SH3TC2: variants seen among roughly 807,000 people sequenced by gnomAD.
The protein encoded by SH3TC2 is SH3 domain and tetratricopeptide repeat-containing protein 2.
SH3TC2 carries 87 observed loss-of-function variants against 124.5 expected under a neutral mutation model. The ratio of observed to expected loss-of-function variants is 0.70; its 90% CI spans 0.59 to 0.84. SH3TC2 has a LOEUF of 0.84. SH3TC2 is among the 40% of genes least tolerant of loss of function. The pLI is 0.00. For missense variants in SH3TC2, 1,536 were observed against 1,566.4 expected, an observed-to-expected ratio of 0.98 and a Z score of 0.33; for synonymous variants, 634 against 628.5, an observed-to-expected ratio of 1.01 and a Z score of -0.13.
chr5:149,004,000 T>G lies in SH3TC2; in HGVS notation c.*711A>C, dbSNP rs567593663. 1.0e-3 allele frequency: 193 copies of G among 187,192 alleles called. 2 individuals are homozygous for G. The highest frequency in any genetic ancestry group is 7.5e-3 in the Middle Eastern group (3 of 398). 11.6% of individuals were successfully genotyped at this position (187,192 alleles called of 1,614,324 possible). On this transcript the variant is annotated 3_prime_UTR_variant, in exon 17 of 17. Transcript: ENST00000515425. ...ATCATATACACTATTTACATGTAAT[T>G]TATGTCATAATTTTCTTAACATTCA...
intron 12 of SH3TC2, 122 bp downstream of exon 12, chr5:149,026,450 G>A (rs1373674939): frequency 1.5e-5 from 18 of 1,193,308 alleles, no homozygotes; most frequent in Middle Eastern, 2.8e-4. Flanking sequence ...CAGAGCCCTT[G>A]CTCTTTTGCA....
chr5:149,003,162 A>G lies in SH3TC2; in HGVS notation c.*1549T>C, dbSNP rs1037061526. 3 of 152,254 alleles carry G rather than the reference A, an allele frequency of 2.0e-5. No homozygotes were observed. The highest frequency in any genetic ancestry group is 1.9e-4 in the East Asian group (1 of 5,198). 9.4% of individuals were successfully genotyped at this position (152,254 alleles called of 1,614,324 possible). On this transcript the variant is annotated 3_prime_UTR_variant, in exon 17 of 17. Coordinates refer to ENST00000515425, the MANE Select transcript of SH3TC2 (RefSeq NM_024577.4). ...TAGGTCACTTCTGAAATGATCCCCAATGATTCCTCACCATCTGGTATTCAA... is the reference window on the plus strand; with the variant it reads ...TAGGTCACTTCTGAAATGATCCCCAGTGATTCCTCACCATCTGGTATTCAA...
chr5:149,000,673 C>T lies in SH3TC2; in HGVS notation c.*4038G>A, dbSNP rs899473191. Among the ~76,000 whole-genome samples the T allele has an allele frequency of 4.6e-5, 7 of 152,058 alleles. No homozygotes were observed. Among genetic ancestry groups the T allele is most frequent in the Non-Finnish European group, 1.5e-5 (1 of 68,004 alleles). ...CACACGTGTACATATACACACACAA[C>T]TGTGAAGGAAGCCCTGAACAGCAGA... On this transcript the variant is annotated 3_prime_UTR_variant, in exon 17 of 17. Transcript: ENST00000515425.
chr5:149,014,035 C>T (rs1285695852), intron 12 of SH3TC2, among the ~76,000 whole-genome samples: 1 of 152,070 alleles, frequency 6.6e-6, no homozygotes, highest in East Asian at 1.9e-4. Context: ...GGAAACAAGC[C>T]CAGAAACTGG....
chr5:149,034,672 T>G (rs1484159532), intron 8 of SH3TC2, among the ~76,000 whole-genome samples: 1 of 152,060 alleles, frequency 6.6e-6, no homozygotes, highest in African/African-American at 2.4e-5. Flanking sequence ...ATGAATTGAA[T>G]ATGAAAGATA....
rs1256976210 is a variant in SH3TC2, at chr5:149,001,988, G to A, written c.*2723C>T. 6.6e-6 allele frequency: 1 copy of A among 152,340 alleles called. No homozygotes were observed. Among genetic ancestry groups the A allele is most frequent in the African/African-American group, 2.4e-5 (1 of 41,472 alleles). 9.4% of individuals were successfully genotyped at this position (152,340 alleles called of 1,614,324 possible). A position where few individuals can be genotyped will look rare whatever the true frequency, so the allele number is the denominator to read the frequency against. The stretch of plus-strand genomic sequence containing the variant: ...CAACTGATTATAAAGCTCAATGGAA[G>A]CCAAGGACAGATGTGGCTGCTGGGG... On this transcript the variant is annotated 3_prime_UTR_variant, in exon 17 of 17. Transcript: ENST00000515425.
rs866892409 is a variant in SH3TC2, at chr5:149,002,736, G to A, written c.*1975C>T. 2 of 152,178 alleles carry A rather than the reference G, an allele frequency of 1.3e-5. No individual in the cohort carries two copies. The highest frequency in any genetic ancestry group is 4.1e-4 in the South Asian group (2 of 4,834). The allele number at this position is 152,178 out of a possible 1,614,324, so 9.4% of individuals were successfully genotyped here. A position where few individuals can be genotyped will look rare whatever the true frequency, so the allele number is the denominator to read the frequency against. The stretch of plus-strand genomic sequence containing the variant: ...CTTGTGGTTCACAGAAAAGGAGCAA[G>A]GGTGAACCACCTGCATCAGGCTTGC... On this transcript the variant is annotated 3_prime_UTR_variant, in exon 17 of 17. Transcript: ENST00000515425.
At chr5:149,030,807 CA>C (rs1303050319) in intron 9 of SH3TC2, among the ~76,000 whole-genome samples, 1 of 152,238 alleles carries the variant, frequency 6.6e-6, no homozygotes, top group Non-Finnish European at 1.5e-5. Context: ...ATGTCACCAT[CA>C]ATGAAGAGAT....
intron 6 of SH3TC2, 98 bp downstream of exon 6, chr5:149,041,318 A>G (rs935205255): frequency 3.1e-6 from 4 of 1,293,606 alleles, no homozygotes; most frequent in Non-Finnish European, 4.4e-6. Flanking sequence ...TCTCTCCTCC[A>G]CACTATGGAT....
At chr5:149,020,780 CTAA>C (rs1753955443) in intron 12 of SH3TC2, among the ~76,000 whole-genome samples, 1 of 152,058 alleles carries the variant, frequency 6.6e-6, no homozygotes, top group South Asian at 2.1e-4. Flanking sequence ...TATGCAGCAC[CTAA>C]TAACAATGCC....
rs1753430576 is a variant in SH3TC2 at position 148,992,259 on chromosome 5, C to A, written c.*12452G>T. ...TCATGCACACAGTGGGGATTTTTAC[C>A]CAGGTAGCATAATCCCAAGGTTTAT... On this transcript the variant is annotated 3_prime_UTR_variant, in exon 17 of 17. Coordinates refer to ENST00000515425, the MANE Select transcript of SH3TC2 (RefSeq NM_024577.4). 1.3e-5 allele frequency among the ~76,000 whole-genome samples: 2 copies of A among 152,158 alleles called. No homozygotes were observed. Among genetic ancestry groups the A allele is most frequent in the African/African-American group, 4.8e-5 (2 of 41,434 alleles).
In SH3TC2 at chr5:149,052,214, T is replaced by G. The variant is rs141649676; in HGVS notation, c.79A>C (p.Thr27Pro). The change falls in exon 2 of 17, where the codon ACT (threonine) becomes CCT (proline). Residue 27 changes from threonine to proline, a missense_variant. Coordinates refer to ENST00000515425, the MANE Select transcript of SH3TC2 (RefSeq NM_024577.4). Reference sequence around the variant, plus strand: ...GAGGCTATACACTCACTCGATACAGTTGGATCCTTGGAAGGAGTTTCTTTA... The same window carrying G: ...GAGGCTATACACTCACTCGATACAGGTGGATCCTTGGAAGGAGTTTCTTTA... ...PGKETPSKDP[T>P]VSSECIASSE... The G allele has an allele frequency of 6.2e-7, 1 of 1,613,110 alleles. No homozygotes were observed. Among genetic ancestry groups the G allele is most frequent in the East Asian group, 2.2e-5 (1 of 44,854 alleles).
intron 15 of SH3TC2, 101 bp from the exon 16 acceptor site, chr5:149,007,178 C>T: frequency 9.2e-7 from 1 of 1,089,478 alleles, no homozygotes; most frequent in Non-Finnish European, 1.4e-6. Context: ...TACTAGATGT[C>T]AGGGACTGTG....
rs539126111 is a variant in SH3TC2 at position 148,988,476 on chromosome 5, G to A, written c.*16235C>T. On this transcript the variant is annotated 3_prime_UTR_variant, in exon 17 of 17. Transcript: ENST00000515425. ...GTCATAGGAAGCTTTGCAGCTCCCCGTTTAATCTCCTGGAATGCTAGCTCT... is the reference window on the plus strand; with the variant it reads ...GTCATAGGAAGCTTTGCAGCTCCCCATTTAATCTCCTGGAATGCTAGCTCT... Among the ~76,000 whole-genome samples, 11 of 152,282 alleles carry A rather than the reference G, an allele frequency of 7.2e-5. No individual in the cohort carries two copies. The South Asian group carries it at 1.2e-3, about 17-fold the overall frequency.
Position 148,998,683 on chromosome 5 carries a change from C to G in SH3TC2, c.*6028G>C, listed in dbSNP as rs1178960244. Among the ~76,000 whole-genome samples, 1 of 152,216 alleles carries G rather than the reference C, an allele frequency of 6.6e-6. No homozygotes were observed. Among genetic ancestry groups the G allele is most frequent in the Non-Finnish European group, 1.5e-5 (1 of 68,046 alleles). The stretch of plus-strand genomic sequence containing the variant: ...CACGCAAGTTATTCTTGATCCTGCA[C>G]CATGGCAGCTGGGGAGAATCCCCAC... On this transcript the variant is annotated 3_prime_UTR_variant, in exon 17 of 17. Coordinates refer to ENST00000515425, the MANE Select transcript of SH3TC2 (RefSeq NM_024577.4).
intron 1 of SH3TC2, among the ~76,000 whole-genome samples, chr5:149,060,079 T>C (rs775094188): frequency 2.0e-5 from 3 of 152,224 alleles, no homozygotes; most frequent in Non-Finnish European, 2.9e-5. Context: ...GATTCACATT[T>C]ATCAAAAAGG....
At chr5:149,053,080 C>G (rs1754585642) in intron 1 of SH3TC2, among the ~76,000 whole-genome samples, 1 of 152,138 alleles carries the variant, frequency 6.6e-6, no homozygotes, top group Non-Finnish European at 1.5e-5. Flanking sequence ...ATAAGTATTA[C>G]CTGGTCCTGA....
At chr5:149,007,362 G>C (rs1753708581) in intron 15 of SH3TC2, 1 of 595,536 alleles carries the variant, frequency 1.7e-6, no homozygotes, top group African/African-American at 1.9e-5. Context: ...GATGGGTCAA[G>C]GTTTCCTGGA....
At chr5:149,039,740 G>T (rs1754338178) in intron 7 of SH3TC2, among the ~76,000 whole-genome samples, 1 of 152,188 alleles carries the variant, frequency 6.6e-6, no homozygotes, top group Non-Finnish European at 1.5e-5. Context: ...GATCACACTG[G>T]TTTTAAGTCA....
Sources: allele counts gnomAD v4.1 joint callset (sites outside exome capture counted in the v4.1 genomes callset), GRCh38; gene constraint gnomAD v4.1.1; transcripts MANE v1.5; gene names NCBI Gene and HGNC (gene_info 2026-07-23, HGNC 2026-07-21).